The following ORC5 variants were observed in gnomAD, a reference collection of about 807,000 sequenced individuals.
The protein encoded by ORC5 is origin recognition complex subunit 5.
In ORC5, 39 loss-of-function variants were observed where a neutral mutation model predicts 58.8. The observed-to-expected ratio is 0.66, with a 90% CI of 0.51 to 0.87. ORC5 has a LOEUF of 0.87. ORC5 is among the 40% of genes least tolerant of loss of function. The pLI is 0.00. For synonymous variants in ORC5, 218 were observed against 177.6 expected, an observed-to-expected ratio of 1.23 and a Z score of -1.81; for missense variants, 493 against 506.3, an observed-to-expected ratio of 0.97 and a Z score of 0.25.
rs1326472389 is a variant in ORC5 at position 104,136,649 on chromosome 7, G to A, written c.1262+132C>T. On this transcript the variant is annotated intron_variant, in intron 13 of 13. Coordinates refer to ENST00000297431, the MANE Select transcript of ORC5 (RefSeq NM_002553.4). This position sits in a 1 kb window ranked among gnomAD's most constrained non-coding sequence, Gnocchi z 4.2. ...TAAATTTGAGAAGGTTCATTCTATCGTACAGCTTATTCATTCTTGGCACTT... is the reference window on the plus strand; with the variant it reads ...TAAATTTGAGAAGGTTCATTCTATCATACAGCTTATTCATTCTTGGCACTT... 5.0e-6 allele frequency: 3 copies of A among 599,100 alleles called. No individual in the cohort carries two copies. Among genetic ancestry groups the A allele is most frequent in the East Asian group, 2.8e-5 (1 of 35,836 alleles). 37.1% of individuals were successfully genotyped at this position (599,100 alleles called of 1,614,324 possible).
chr7:104,189,905 C>G (rs1257668164), intron 5 of ORC5, among the ~76,000 whole-genome samples: 1 of 152,128 alleles, frequency 6.6e-6, no homozygotes. Flanking sequence ...AGGTAGAAAC[C>G]TGGGACTTAG....
Position 104,126,971 on chromosome 7 carries a change from G to C in ORC5, c.1263-78C>G, listed in dbSNP as rs543548100. Reference sequence around the variant, plus strand: ...CTTTGTATGATTCTGGAAAGCACATGCAAAATAATTCATGACTAATGCTAA... The same window carrying C: ...CTTTGTATGATTCTGGAAAGCACATCCAAAATAATTCATGACTAATGCTAA... On this transcript the variant is annotated intron_variant, in intron 13 of 13. Coordinates refer to ENST00000297431, the MANE Select transcript of ORC5 (RefSeq NM_002553.4). 2.7e-5 allele frequency: 27 copies of C among 993,584 alleles called. No homozygotes were observed. The South Asian group carries it at 4.0e-4, about 15-fold the overall frequency. The allele number at this position is 993,584 out of a possible 1,614,324, so 61.5% of individuals were successfully genotyped here.
intron 1 of ORC5, among the ~76,000 whole-genome samples, chr7:104,205,086 C>CTTTTTTTTTTTTTTTTTTTTT (rs10672012): frequency 1.0e-5 from 1 of 99,424 alleles, no homozygotes; most frequent in African/African-American, 3.7e-5. Context: ...TAATAATACT[C>CTTTTTTTTTTTTTTTTTTTTT]TTTTTTTTTT....
At chr7:104,158,855 T>C (rs1050859911) in intron 12 of ORC5, among the ~76,000 whole-genome samples, 2 of 151,730 alleles carry the variant, frequency 1.3e-5, no homozygotes, top group African/African-American at 2.4e-5. Flanking sequence ...TGTGGAGAAA[T>C]AGGAACACTT....
chr7:104,204,090 C>G, intron 2 of ORC5, 52 bp downstream of exon 2: 6 of 935,054 alleles, frequency 6.4e-6, no homozygotes, highest in Non-Finnish European at 8.2e-6. Flanking sequence ...TTATCAGTAC[C>G]AATATTATAC....
Position 104,155,133 on chromosome 7 carries a change from G to A in ORC5, c.1149+5939C>T, listed in dbSNP as rs535989451. ...TGCTATTACAATAAATAAAACCTCC[G>A]TAAGAAACGATTGTTGATTCATGAC... On this transcript the variant is annotated intron_variant, in intron 12 of 13. Transcript: ENST00000297431. Among the ~76,000 whole-genome samples the A allele has an allele frequency of 1.7e-3, 260 of 151,758 alleles. 2 individuals carry two copies. The highest frequency in any genetic ancestry group is 3.1e-3 in the Non-Finnish European group (208 of 67,672).
chr7:104,200,960 T>TGAAAAC lies in ORC5; in HGVS notation c.166-8_166-3dup. On this transcript the variant is annotated splice_polypyrimidine_tract_variant and splice_region_variant and intron_variant, in intron 2 of 13. Transcript: ENST00000297431. ...ACAATTCACAAACACATGTGGGAGCTGAAAACGAAAACCAAAACACTGTAA... is the reference window on the plus strand; with the variant it reads ...ACAATTCACAAACACATGTGGGAGCTGAAAACGAAAACGAAAACCAAAACACTGTAA... 6.2e-7 allele frequency: 1 copy of TGAAAAC among 1,610,728 alleles called. No individual in the cohort carries two copies. The highest frequency in any genetic ancestry group is 8.5e-7 in the Non-Finnish European group (1 of 1,178,114).
At chr7:104,132,206 A>G (rs1798524408) in intron 13 of ORC5, among the ~76,000 whole-genome samples, 1 of 152,074 alleles carries the variant, frequency 6.6e-6, no homozygotes, top group Admixed American at 6.5e-5. Context: ...CTTGGTGACA[A>G]CTGACTTTTG....
At chr7:104,189,427 C>A (rs1488937576) in intron 5 of ORC5, among the ~76,000 whole-genome samples, 1 of 152,010 alleles carries the variant, frequency 6.6e-6, no homozygotes, top group East Asian at 1.9e-4. Flanking sequence ...CCAACAGGTC[C>A]CTCCATGACA....
Position 104,129,671 on chromosome 7 carries a change from T to C in ORC5, c.1263-2778A>G, listed in dbSNP as rs1396919559. 6.6e-6 allele frequency among the ~76,000 whole-genome samples: 1 copy of C among 152,222 alleles called. No homozygotes were observed. Among genetic ancestry groups the C allele is most frequent in the Non-Finnish European group, 1.5e-5 (1 of 68,028 alleles). On this transcript the variant is annotated intron_variant, in intron 13 of 13. Coordinates refer to ENST00000297431, the MANE Select transcript of ORC5 (RefSeq NM_002553.4). This position sits in a 1 kb window ranked among gnomAD's most constrained non-coding sequence, Gnocchi z 4.9. ...AAGAAAGGTATAACTTACAAGAGAA[T>C]TGTGTAATTTGCATGGATGTTCCCT...
intron 12 of ORC5, among the ~76,000 whole-genome samples, chr7:104,155,878 T>A (rs1489834575): frequency 2.0e-5 from 3 of 151,616 alleles, no homozygotes; most frequent in African/African-American, 7.2e-5. Flanking sequence ...TTCCCATATT[T>A]TTTTCTTTTA....
Position 104,166,753 on chromosome 7 carries a change from A to G in ORC5, c.990+19T>C. 2 of 1,262,730 alleles carry G rather than the reference A, an allele frequency of 1.6e-6. No homozygotes were observed. The highest frequency in any genetic ancestry group is 2.3e-6 in the Non-Finnish European group (2 of 878,152). The allele number at this position is 1,262,730 out of a possible 1,614,324, so 78.2% of individuals were successfully genotyped here. On this transcript the variant is annotated intron_variant, in intron 10 of 13. Transcript: ENST00000297431. ...TGGGATCTTAAAAAATAAAGTGAAA[A>G]GAAGTATGTTATTATTACCTTAAGA...
chr7:104,148,077 A>G (rs1458404085), intron 12 of ORC5, among the ~76,000 whole-genome samples: 1 of 152,132 alleles, frequency 6.6e-6, no homozygotes, highest in Non-Finnish European at 1.5e-5. Context: ...TGGCATATGG[A>G]CTGGAATTTA....
At chr7:104,147,692 A>G (rs982727017) in intron 12 of ORC5, among the ~76,000 whole-genome samples, 7 of 152,220 alleles carry the variant, frequency 4.6e-5, no homozygotes, top group African/African-American at 1.4e-4. Context: ...AATACAACAC[A>G]TATGTCGTGC....
chr7:104,185,079 G>A (rs1446644687), intron 6 of ORC5, among the ~76,000 whole-genome samples: 4 of 147,206 alleles, frequency 2.7e-5, no homozygotes, highest in South Asian at 2.2e-4. Context: ...TAAGGCTCCT[G>A]TGCCCATATG....
At chr7:104,161,419 G>C (rs1040639021) in intron 11 of ORC5, among the ~76,000 whole-genome samples, 17 of 152,186 alleles carry the variant, frequency 1.1e-4, no homozygotes, top group Admixed American at 4.6e-4. Flanking sequence ...CTGGAATGCA[G>C]TGGCAGCGCA....
chr7:104,182,283 G>A (rs1245772395), intron 8 of ORC5, among the ~76,000 whole-genome samples: 2 of 152,190 alleles, frequency 1.3e-5, no homozygotes, highest in African/African-American at 2.4e-5. Context: ...AGGATAAGAA[G>A]TTGACAGTTT....
rs1798547684 is a variant in ORC5, at chr7:104,133,724, C to A, written c.1262+3057G>T. Among the ~76,000 whole-genome samples the A allele has an allele frequency of 6.6e-6, 1 of 151,962 alleles. No individual in the cohort carries two copies. Among genetic ancestry groups the A allele is most frequent in the South Asian group, 2.1e-4 (1 of 4,822 alleles). On this transcript the variant is annotated intron_variant, in intron 13 of 13. Transcript: ENST00000297431. The surrounding 1 kb of genome is among the most constrained non-coding windows in gnomAD (Gnocchi z 4.7). ...ATGAGAAAAGAGCCTAGGGCCAAGCCTAAAGGAACAGTTATATTTAAAGGT... is the reference window on the plus strand; with the variant it reads ...ATGAGAAAAGAGCCTAGGGCCAAGCATAAAGGAACAGTTATATTTAAAGGT...
intron 3 of ORC5, among the ~76,000 whole-genome samples, chr7:104,200,376 A>G (rs1562830697): frequency 6.6e-6 from 1 of 152,130 alleles, no homozygotes; most frequent in Non-Finnish European, 1.5e-5. Flanking sequence ...TCTGGCCTCC[A>G]TTTTCAGCTG....
Sources: allele counts gnomAD v4.1 joint callset (sites outside exome capture counted in the v4.1 genomes callset), GRCh38; gene constraint gnomAD v4.1.1; non-coding constraint Gnocchi (gnomAD v3.1); transcripts MANE v1.5; gene names NCBI Gene and HGNC (gene_info 2026-07-23, HGNC 2026-07-21).